The following QTMAN variants were observed in gnomAD, a reference collection of about 807,000 sequenced individuals.
The protein encoded by QTMAN is tRNA-queuosine alpha-mannosyltransferase.
At chr2:143,950,298 C>CAT in the QTMAN span, among the ~76,000 whole-genome samples, 2 of 151,668 alleles carry the variant, frequency 1.3e-5, no homozygotes, top group African/African-American at 2.4e-5. Context: ...ATATTAACAA[C>CAT]ATACCACTAA....
chr2:144,019,410 G>A, the QTMAN span, among the ~76,000 whole-genome samples: 2 of 150,724 alleles, frequency 1.3e-5, no homozygotes, highest in African/African-American at 4.9e-5. Context: ...GAGAGGGGGA[G>A]GCAGAATGTG....
chr2:144,311,963 T>C, the QTMAN span, among the ~76,000 whole-genome samples: 28 of 152,326 alleles, frequency 1.8e-4, no homozygotes, highest in Non-Finnish European at 2.9e-4. Flanking sequence ...AAAAATCCTA[T>C]TGAACTAAAA....
At chr2:144,262,569 C>A in the QTMAN span, among the ~76,000 whole-genome samples, 141 of 49,628 alleles carry the variant, frequency 2.8e-3, no homozygotes, top group South Asian at 4.5e-3. Context: ...GATGCTGTCT[C>A]AAAAAAAAAA....
the QTMAN span, among the ~76,000 whole-genome samples, chr2:144,310,806 G>C: frequency 6.6e-6 from 1 of 152,172 alleles, no homozygotes; most frequent in Non-Finnish European, 1.5e-5. Context: ...AAAAAGATCA[G>C]CTCAGTTTTA....
the QTMAN span, among the ~76,000 whole-genome samples, chr2:144,068,008 C>T: frequency 6.6e-6 from 1 of 152,240 alleles, no homozygotes; most frequent in South Asian, 2.1e-4. Flanking sequence ...CCAAAGAGAC[C>T]TTTAAACATT....
At chr2:144,295,502 ACTTGC>A in the QTMAN span, among the ~76,000 whole-genome samples, 1 of 152,218 alleles carries the variant, frequency 6.6e-6, no homozygotes, top group Non-Finnish European at 1.5e-5. Context: ...GAACATGTCA[ACTTGC>A]CAAAAGATAG....
the QTMAN span, among the ~76,000 whole-genome samples, chr2:144,329,524 T>C: frequency 6.6e-6 from 1 of 152,204 alleles, no homozygotes; most frequent in Non-Finnish European, 1.5e-5. Flanking sequence ...ATGGTAACAG[T>C]CAGAGGGTCA....
the QTMAN span, among the ~76,000 whole-genome samples, chr2:143,994,022 A>G: frequency 2.0e-5 from 3 of 152,186 alleles, no homozygotes; most frequent in Non-Finnish European, 4.4e-5. Flanking sequence ...TATACATTTT[A>G]TCTTTGAATT....
chr2:144,247,904 T>A, the QTMAN span, among the ~76,000 whole-genome samples: 1 of 152,236 alleles, frequency 6.6e-6, no homozygotes, highest in East Asian at 1.9e-4. Flanking sequence ...CTGCCCAGGC[T>A]GGTCTCGCAC....
the QTMAN span, among the ~76,000 whole-genome samples, chr2:144,001,820 CA>C: frequency 2.0e-3 from 272 of 138,224 alleles, no homozygotes; most frequent in East Asian, 0.01. Flanking sequence ...AGTTTTAAGC[CA>C]AAAAAAAAAA....
the QTMAN span, among the ~76,000 whole-genome samples, chr2:144,246,977 T>A: frequency 6.6e-6 from 1 of 152,234 alleles, no homozygotes; most frequent in Non-Finnish European, 1.5e-5. Context: ...AGAATTTAAT[T>A]ATTCAAGCAA....
the QTMAN span, chr2:144,127,919 C>G: frequency 6.6e-6 from 1 of 152,000 alleles, no homozygotes; most frequent in Non-Finnish European, 1.5e-5. Flanking sequence ...ATACTCTGAA[C>G]TGACCAGAAC....
At chr2:143,997,925 G>C in the QTMAN span, among the ~76,000 whole-genome samples, 18 of 152,016 alleles carry the variant, frequency 1.2e-4, no homozygotes, top group Non-Finnish European at 2.9e-5. Context: ...AGCTGTCCAG[G>C]ACTTAATTGT....
At chr2:144,128,293 A>AT in the QTMAN span, 9 of 152,120 alleles carry the variant, frequency 5.9e-5, no homozygotes, top group Non-Finnish European at 1.0e-4. Flanking sequence ...CACTCTTCAA[A>AT]TAAGTTTTAT....
At chr2:144,084,054 G>A in the QTMAN span, among the ~76,000 whole-genome samples, 54 of 152,256 alleles carry the variant, frequency 3.5e-4, no homozygotes, top group African/African-American at 1.3e-3. Flanking sequence ...CAATTCAAGG[G>A]TCAAAATAGA....
At chr2:144,182,901 T>A in the QTMAN span, among the ~76,000 whole-genome samples, 53 of 95,822 alleles carry the variant, frequency 5.5e-4, no homozygotes, top group South Asian at 2.1e-3. Context: ...TATATATATA[T>A]TATATATATA....
chr2:144,003,344 T>C, the QTMAN span, among the ~76,000 whole-genome samples: 1 of 151,708 alleles, frequency 6.6e-6, no homozygotes, highest in Non-Finnish European at 1.5e-5. Context: ...ATAATAATTA[T>C]TAGAGAATGC....
the QTMAN span, among the ~76,000 whole-genome samples, chr2:144,288,683 T>C: frequency 6.6e-6 from 1 of 152,210 alleles, no homozygotes; most frequent in East Asian, 1.9e-4. Flanking sequence ...ACTTCTCTTT[T>C]TTGTTAATCT....
chr2:144,097,703 C>G, the QTMAN span, among the ~76,000 whole-genome samples: 1 of 152,128 alleles, frequency 6.6e-6, no homozygotes, highest in Non-Finnish European at 1.5e-5. Context: ...CCCACTGCCC[C>G]CAGCTTTAAG....
Sources: gnomAD v4.1 joint callset for allele counts (sites outside exome capture counted in the v4.1 genomes callset) on GRCh38, gnomAD v4.1.1 for gene constraint, MANE v1.5 for transcripts, NCBI Gene and HGNC (gene_info 2026-07-23, HGNC 2026-07-21) for gene names.